DENND2C: variants seen among roughly 807,000 people sequenced by gnomAD.
DENND2C encodes DENN domain-containing protein 2C.
A neutral mutation model predicts 112.4 loss-of-function variants in DENND2C; 72 were observed. That is an observed-to-expected ratio of 0.64 (90% CI 0.53 to 0.78). The LOEUF is 0.78. Among genes scored for constraint, DENND2C ranks in the 30% least tolerant of loss-of-function variants. The pLI, the probability that DENND2C is intolerant of heterozygous loss-of-function variation, is 0.00. For missense variants in DENND2C, 992 were observed against 1,113.8 expected, an observed-to-expected ratio of 0.89 and a Z score of 1.56; for synonymous variants, 329 against 381.6, an observed-to-expected ratio of 0.86 and a Z score of 1.61.
chr1:114,625,275 T>C lies in DENND2C; in HGVS notation c.710A>G (p.Tyr237Cys). The change falls in exon 4 of 21, where the codon TAC becomes TGC. Residue 237 changes from tyrosine (Y) to cysteine (C), a missense_variant. Physicochemically the swap from Tyr to Cys is radical, Grantham distance 194 (BLOSUM62 -2). Transcript: ENST00000393274. The stretch of plus-strand genomic sequence containing the variant: ...TTGTGCACAAGAGTTATTTTCACAG[T>C]ATTTTTTGTCACAGTTTCTTTCTTT... ...PYKERNCDKK[Y>C]CENNSCAQSS... 2 of 1,614,184 alleles carry C rather than the reference T, an allele frequency of 1.2e-6. No individual in the cohort carries two copies. Among genetic ancestry groups the C allele is most frequent in the Non-Finnish European group, 1.7e-6 (2 of 1,180,018 alleles).
intron 2 of DENND2C, among the ~76,000 whole-genome samples, chr1:114,649,167 C>A (rs1049322712): frequency 6.6e-6 from 1 of 152,074 alleles, no homozygotes; most frequent in Non-Finnish European, 1.5e-5. Context: ...GTTGACCAGG[C>A]TGATCTCAAA....
intron 3 of DENND2C, among the ~76,000 whole-genome samples, chr1:114,637,671 G>A (rs1198674519): frequency 6.6e-6 from 1 of 151,744 alleles, no homozygotes; most frequent in Non-Finnish European, 1.5e-5. Flanking sequence ...ACCACACCTG[G>A]CTAATTTTTA....
chr1:114,609,831 C>T (rs1655762837), intron 9 of DENND2C, among the ~76,000 whole-genome samples: 1 of 152,176 alleles, frequency 6.6e-6, no homozygotes, highest in African/African-American at 2.4e-5. Flanking sequence ...AATGGCTCCC[C>T]GGAATTATCC....
chr1:114,636,735 AAAAGAAGT>A (rs1334798300), intron 3 of DENND2C, among the ~76,000 whole-genome samples: 1 of 151,346 alleles, frequency 6.6e-6, no homozygotes, highest in Non-Finnish European at 1.5e-5. Flanking sequence ...TAGAGATTGT[AAAAGAAGT>A]AAAGCTGTTT....
intron 18 of DENND2C, among the ~76,000 whole-genome samples, chr1:114,588,976 G>GTGC (rs1331460318): frequency 6.6e-6 from 1 of 152,104 alleles, no homozygotes; most frequent in Non-Finnish European, 1.5e-5. Flanking sequence ...ACTGTATTAA[G>GTGC]TGCTTCTACA....
At chr1:114,635,868 T>C (rs1389541021) in intron 3 of DENND2C, among the ~76,000 whole-genome samples, 2 of 151,908 alleles carry the variant, frequency 1.3e-5, no homozygotes, top group Non-Finnish European at 2.9e-5. Flanking sequence ...TAGCCAGGCA[T>C]AGTGGCGTGC....
Position 114,587,244 on chromosome 1 carries a change from A to G in DENND2C, c.2755+143T>C, listed in dbSNP as rs1434949651. On this transcript the variant is annotated intron_variant, in intron 20 of 20. Coordinates refer to ENST00000393274, the MANE Select transcript of DENND2C (RefSeq NM_001256404.2). ...AAATTTTGTGTAGGGATGGGGTCTC[A>G]CTATGTTGCCCACGCTGGTCTCAAA... 13 of 845,166 alleles carry G rather than the reference A, an allele frequency of 1.5e-5. No individual in the cohort carries two copies. In the East Asian group the frequency reaches 3.2e-4, roughly 21 times the overall value. The allele number at this position is 845,166 out of a possible 1,614,324, so 52.4% of individuals were successfully genotyped here.
chr1:114,626,002 T>G lies in DENND2C; in HGVS notation c.-18A>C, dbSNP rs1309774177. ...ACATCCATGTTCCCAACTGGGTGAA[T>G]GACAAGTGATGAATCTTACAAAGGT... On this transcript the variant is annotated 5_prime_UTR_variant, in exon 4 of 21. Transcript: ENST00000393274. 3 of 1,586,068 alleles carry G rather than the reference T, an allele frequency of 1.9e-6. No homozygotes were observed. The highest frequency in any genetic ancestry group is 1.7e-6 in the Non-Finnish European group (2 of 1,164,454).
chr1:114,589,224 C>T (rs1288346311), intron 18 of DENND2C, among the ~76,000 whole-genome samples: 1 of 152,116 alleles, frequency 6.6e-6, no homozygotes, highest in African/African-American at 2.4e-5. Context: ...CTTTTTCCCC[C>T]CGCCCTCTTC....
intron 12 of DENND2C, 77 bp downstream of exon 12, chr1:114,602,048 A>G: frequency 7.2e-7 from 1 of 1,391,408 alleles, no homozygotes; most frequent in Non-Finnish European, 1.0e-6. Flanking sequence ...TCATCTAGAG[A>G]TAGTGTTTCT....
intron 7 of DENND2C, among the ~76,000 whole-genome samples, chr1:114,619,864 T>A (rs1051870154): frequency 3.3e-5 from 5 of 152,220 alleles, no homozygotes; most frequent in African/African-American, 1.2e-4. Context: ...GTGATAAATT[T>A]AAATTTCTGT....
intron 11 of DENND2C, among the ~76,000 whole-genome samples, chr1:114,603,072 T>C (rs1484427149): frequency 6.6e-6 from 1 of 152,166 alleles, no homozygotes; most frequent in African/African-American, 2.4e-5. Flanking sequence ...AGATATGTGT[T>C]GATAATTTAC....
At position 114,621,903 on chromosome 1, in the gene DENND2C, G is replaced by T. The variant is rs898169599; in HGVS notation, c.1219C>A (p.Leu407Ile). 1.3e-6 allele frequency: 2 copies of T among 1,550,586 alleles called. No individual in the cohort carries two copies. Among genetic ancestry groups the T allele is most frequent in the African/African-American group, 1.4e-5 (1 of 73,162 alleles). The change falls in exon 7 of 21, where the codon CTT becomes ATT. Residue 407 changes from leucine to isoleucine, a missense_variant. Physicochemically the swap from Leu to Ile is conservative, Grantham distance 5 (BLOSUM62 2). Transcript: ENST00000393274. Reference protein sequence around the residue: ...GEVANTKRKNLPRLVLKIDDI... With the variant: ...GEVANTKRKNIPRLVLKIDDI... Reference sequence around the variant, plus strand: ...AGCACTGGAGTCTTTACCCTTGGAAGATTTTTCCTTTTCGTGTTTGCAACT... The same window carrying T: ...AGCACTGGAGTCTTTACCCTTGGAATATTTTTCCTTTTCGTGTTTGCAACT...
At chr1:114,625,037 C>A in intron 4 of DENND2C, 142 bp downstream of exon 4, 1 of 754,950 alleles carries the variant, frequency 1.3e-6, no homozygotes, top group Non-Finnish European at 2.0e-6. Context: ...TATTTTCCTT[C>A]CACATTAATC....
At chr1:114,607,283 T>A (rs1276639218) in intron 10 of DENND2C, among the ~76,000 whole-genome samples, 1 of 152,200 alleles carries the variant, frequency 6.6e-6, no homozygotes, top group Non-Finnish European at 1.5e-5. Flanking sequence ...TTATTTAGCA[T>A]TTCAAGATGG....
chr1:114,595,863 A>G lies in DENND2C; in HGVS notation c.2294T>C (p.Val765Ala), dbSNP rs1258404620. Residue 765 changes from valine (V) to alanine (A), a missense_variant, in exon 17 of 21, where the codon GTT (valine) becomes GCT (alanine). This residue lies in a region of DENND2C where 516 missense variants were observed against 623.6 expected (regional missense o/e 0.83). Transcript: ENST00000393274. ...TAAGAACTTGTCTGCACAGAGATCAACTATCAGCACCTATGAAATAAAGGA... is the reference window on the plus strand; with the variant it reads ...TAAGAACTTGTCTGCACAGAGATCAGCTATCAGCACCTATGAAATAAAGGA... ...QDLPIEEVLIVDLCADKFLQE... is the reference protein window; with the variant it reads ...QDLPIEEVLIADLCADKFLQE... 2.5e-6 allele frequency: 4 copies of G among 1,613,958 alleles called. No homozygotes were observed. The highest frequency in any genetic ancestry group is 2.2e-5 in the East Asian group (1 of 44,858).
chr1:114,644,734 A>G (rs1656932418), intron 3 of DENND2C, among the ~76,000 whole-genome samples: 1 of 152,158 alleles, frequency 6.6e-6, no homozygotes, highest in South Asian at 2.1e-4. Flanking sequence ...GAGGTTTAGC[A>G]AGTTTCGATG....
intron 7 of DENND2C, among the ~76,000 whole-genome samples, chr1:114,621,443 G>GC (rs1656162643): frequency 6.6e-6 from 1 of 151,990 alleles, no homozygotes; most frequent in East Asian, 1.9e-4. Flanking sequence ...TAATAGATTT[G>GC]TTTTTTTCTT....
chr1:114,657,352 C>G (rs1570815636), intron 1 of DENND2C, among the ~76,000 whole-genome samples: 1 of 152,102 alleles, frequency 6.6e-6, no homozygotes, highest in Admixed American at 6.5e-5. Context: ...TATACATCAT[C>G]ATGTTCTGTT....
Sources: gnomAD v4.1 joint callset for allele counts (sites outside exome capture counted in the v4.1 genomes callset) on GRCh38, gnomAD v4.1.1 for gene constraint, gnomAD v4.1.1 regional missense constraint, MANE v1.5 for transcripts, NCBI Gene and HGNC (gene_info 2026-07-23, HGNC 2026-07-21) for gene names.